The following ATP6V0A1 variants were observed in gnomAD, a reference collection of about 807,000 sequenced individuals.
ATP6V0A1 encodes the protein ATPase H+ transporting V0 subunit a1.
A neutral mutation model predicts 105.4 loss-of-function variants in ATP6V0A1; 43 were observed. The ratio of observed to expected loss-of-function variants is 0.41; its 90% CI spans 0.32 to 0.53. ATP6V0A1 has a LOEUF of 0.53. Ranked by LOEUF, ATP6V0A1 falls within the 20% of genes least tolerant of loss-of-function variation. ATP6V0A1 has a pLI of 0.30. For synonymous variants in ATP6V0A1, 362 were observed against 372.8 expected, an observed-to-expected ratio of 0.97 and a Z score of 0.33; for missense variants, 676 against 1,051.1, an observed-to-expected ratio of 0.64 and a Z score of 4.93.
At chr17:42,488,258 G>A (rs1454254482) in intron 10 of ATP6V0A1, among the ~76,000 whole-genome samples, 2 of 152,208 alleles carry the variant, frequency 1.3e-5, no homozygotes, top group African/African-American at 4.8e-5. Flanking sequence ...CAGGAAGTAT[G>A]GTTAGACCAT....
chr17:42,490,720 CCT>C, intron 11 of ATP6V0A1, 83 bp downstream of exon 11: 1 of 1,399,630 alleles, frequency 7.1e-7, no homozygotes, highest in South Asian at 1.4e-5. Flanking sequence ...ACAGAGTCTC[CCT>C]CTGTCACCCA....
intron 4 of ATP6V0A1, among the ~76,000 whole-genome samples, chr17:42,469,000 C>T (rs540306736): frequency 6.6e-6 from 1 of 152,044 alleles, no homozygotes; most frequent in Non-Finnish European, 1.5e-5. Context: ...TGTGTGCCAA[C>T]ATGCCTGGCT....
chr17:42,508,350 G>C (rs146311306), intron 18 of ATP6V0A1, among the ~76,000 whole-genome samples: 4 of 152,168 alleles, frequency 2.6e-5, no homozygotes, highest in African/African-American at 9.7e-5. Context: ...TTTTAAAAAA[G>C]AAATCACAAG....
At position 42,460,842 on chromosome 17, in the gene ATP6V0A1, C is replaced by A; in HGVS notation, c.-47-6C>A. On this transcript the variant is annotated splice_polypyrimidine_tract_variant and splice_region_variant and intron_variant, in intron 1 of 21. Transcript: ENST00000343619. ...CCAAAGTTATGTCATTTTCTCTTTG[C>A]TTCAGGTTGGAGAGAAATCCAGGTA... The A allele has an allele frequency of 7.0e-7, 1 of 1,425,890 alleles. No homozygotes were observed. Among genetic ancestry groups the A allele is most frequent in the Non-Finnish European group, 9.9e-7 (1 of 1,010,980 alleles). 88.3% of individuals were successfully genotyped at this position (1,425,890 alleles called of 1,614,324 possible). A position where few individuals can be genotyped will look rare whatever the true frequency, so the allele number is the denominator to read the frequency against.
intron 21 of ATP6V0A1, 55 bp from the exon 22 acceptor site, chr17:42,520,971 TA>T: frequency 1.3e-6 from 2 of 1,485,830 alleles, no homozygotes; most frequent in Non-Finnish European, 1.8e-6. Context: ...TGTGAAGTCC[TA>T]AAAAGCTTCA....
At chr17:42,475,193 T>C (rs2088565501) in intron 5 of ATP6V0A1, among the ~76,000 whole-genome samples, 1 of 152,254 alleles carries the variant, frequency 6.6e-6, no homozygotes, top group South Asian at 2.1e-4. Context: ...TAATGAAATA[T>C]AATTTTTTTC....
Position 42,507,068 on chromosome 17 carries a change from T to C in ATP6V0A1, c.2005-452T>C, listed in dbSNP as rs1297740139. On this transcript the variant is annotated intron_variant, in intron 17 of 21. Transcript: ENST00000343619. ...TTCTTGGGCTCCTGTTAAAAGCTTA[T>C]CAGACTAGGGTACAATCACAATGTC... 2.0e-5 allele frequency among the ~76,000 whole-genome samples: 3 copies of C among 152,338 alleles called. No homozygotes were observed. The East Asian group carries it at 5.8e-4, about 29-fold the overall frequency.
chr17:42,512,340 A>T (rs2092383249), intron 19 of ATP6V0A1, among the ~76,000 whole-genome samples: 1 of 152,190 alleles, frequency 6.6e-6, no homozygotes, highest in Admixed American at 6.5e-5. Context: ...CACTGAAGGG[A>T]TTGGCTGTAA....
chr17:42,470,062 G>C, intron 4 of ATP6V0A1, 28 bp from the exon 5 acceptor site: 1 of 1,568,254 alleles, frequency 6.4e-7, no homozygotes, highest in Non-Finnish European at 8.7e-7. Flanking sequence ...ATTGAGCTTA[G>C]CTTAATATAT....
intron 4 of ATP6V0A1, among the ~76,000 whole-genome samples, chr17:42,468,586 C>G (rs2087426789): frequency 6.6e-6 from 1 of 152,194 alleles, no homozygotes; most frequent in Non-Finnish European, 1.5e-5. Context: ...CACTCCCTAC[C>G]TCTATGAGAT....
intron 12 of ATP6V0A1, 24 bp downstream of exon 12, chr17:42,494,497 T>C (rs772565828): frequency 8.9e-6 from 14 of 1,581,716 alleles, no homozygotes; most frequent in South Asian, 7.0e-5. Flanking sequence ...TACATCTGCA[T>C]TGAACTGAAA....
chr17:42,502,092 G>T (rs1792885637), intron 17 of ATP6V0A1, among the ~76,000 whole-genome samples: 2 of 152,202 alleles, frequency 1.3e-5, no homozygotes, highest in African/African-American at 4.8e-5. Flanking sequence ...CGAGCACTGG[G>T]CCTGCCAAGT....
intron 8 of ATP6V0A1, among the ~76,000 whole-genome samples, chr17:42,482,394 G>A (rs2089624947): frequency 6.6e-6 from 1 of 152,024 alleles, no homozygotes; most frequent in African/African-American, 2.4e-5. Flanking sequence ...CAATCCACCT[G>A]CCTCAGCCTC....
At chr17:42,467,581 G>A (rs2087263416) in intron 3 of ATP6V0A1, among the ~76,000 whole-genome samples, 1 of 152,102 alleles carries the variant, frequency 6.6e-6, no homozygotes, top group Non-Finnish European at 1.5e-5. Context: ...AACCCCTTTA[G>A]ATCTAGAGTT....
At chr17:42,482,284 C>G (rs2089610392) in intron 8 of ATP6V0A1, among the ~76,000 whole-genome samples, 1 of 152,084 alleles carries the variant, frequency 6.6e-6, no homozygotes, top group Admixed American at 6.6e-5. Context: ...GTAACTGGGA[C>G]TACAGGCATG....
At position 42,507,604 on chromosome 17, in the gene ATP6V0A1, A is replaced by G. The variant is rs112247526; in HGVS notation, c.2089A>G (p.Thr697Ala). 1.3e-3 allele frequency: 2,054 copies of G among 1,613,916 alleles called. 3 individuals are homozygous for G. The highest frequency in any genetic ancestry group is 1.5e-3 in the Non-Finnish European group (1,804 of 1,179,952). Reference sequence around the variant, plus strand: ...GATTATTCAGCATGACCAGCTCTCCACCCACTCAGAGGACGCAGACGAGGT... The same window carrying G: ...GATTATTCAGCATGACCAGCTCTCCGCCCACTCAGAGGACGCAGACGAGGT... ...AEIIQHDQLS[T>A]HSEDADEPSE... The change falls in exon 18 of 22, where the codon ACC becomes GCC. Residue 697 changes from threonine to alanine, a missense_variant. This residue lies in a region of ATP6V0A1 where 435 missense variants were observed against 642.2 expected (regional missense o/e 0.68). Coordinates refer to ENST00000343619, the MANE Select transcript of ATP6V0A1 (RefSeq NM_001130021.3).
intron 8 of ATP6V0A1, among the ~76,000 whole-genome samples, chr17:42,482,034 G>T (rs2089577893): frequency 2.0e-5 from 3 of 152,100 alleles, no homozygotes; most frequent in Admixed American, 2.0e-4. Flanking sequence ...TAGAGATGGG[G>T]TTTTGCCGTG....
chr17:42,512,799 C>T (rs901155175), intron 19 of ATP6V0A1, among the ~76,000 whole-genome samples: 7 of 152,156 alleles, frequency 4.6e-5, no homozygotes, highest in African/African-American at 1.2e-4. Flanking sequence ...AAAGGAACTG[C>T]GGTGAAAAAT....
chr17:42,520,414 G>C (rs555174589), intron 21 of ATP6V0A1: 8 of 456,492 alleles, frequency 1.8e-5, no homozygotes, highest in African/African-American at 1.6e-4. Context: ...TGGGAAGGGA[G>C]CTCAGGCTTT....
Sources: allele counts gnomAD v4.1 joint callset (sites outside exome capture counted in the v4.1 genomes callset), GRCh38; gene constraint gnomAD v4.1.1; regional missense constraint gnomAD v4.1.1; transcripts MANE v1.5; gene names NCBI Gene and HGNC (gene_info 2026-07-23, HGNC 2026-07-21).